TAFA1: variants seen among roughly 807,000 people sequenced by gnomAD.
TAFA1 encodes TAFA chemokine like family member 1.
Under a neutral mutation model 18.5 loss-of-function variants are expected in TAFA1, and 4 were observed. The ratio of observed to expected loss-of-function variants is 0.22; its 90% CI spans 0.11 to 0.49. The LOEUF is 0.49. Among genes scored for constraint, TAFA1 ranks in the 20% least tolerant of loss-of-function variants. The pLI is 0.98. For missense variants in TAFA1, 147 were observed against 169.0 expected (o/e 0.87, Z 0.72); for synonymous variants, 56 against 55.2 (o/e 1.01, Z -0.06).
intron 3 of TAFA1, among the ~76,000 whole-genome samples, chr3:68,447,780 G>A (rs1169524816): frequency 6.6e-6 from 1 of 152,196 alleles, no homozygotes; most frequent in Non-Finnish European, 1.5e-5. Context: ...AAGCCTGTGT[G>A]AGGAAGTATT....
intron 2 of TAFA1, among the ~76,000 whole-genome samples, chr3:68,022,821 AT>A (rs1263576631): frequency 1.3e-5 from 1 of 78,536 alleles, no homozygotes; most frequent in Non-Finnish European, 2.3e-5. Context: ...ATATATATAT[AT>A]TATATATAAT....
intron 3 of TAFA1, among the ~76,000 whole-genome samples, chr3:68,495,966 T>C (rs1330967353): frequency 2.0e-5 from 2 of 98,140 alleles, no homozygotes; most frequent in Non-Finnish European, 4.0e-5. Context: ...CCTCTTGAAA[T>C]AACAACGATA....
At chr3:68,151,049 A>T (rs1003659473) in intron 2 of TAFA1, among the ~76,000 whole-genome samples, 1 of 151,748 alleles carries the variant, frequency 6.6e-6, no homozygotes, top group Non-Finnish European at 1.5e-5. Context: ...TAAACTCAGG[A>T]TGGCCATCCT....
intron 2 of TAFA1, among the ~76,000 whole-genome samples, chr3:68,181,336 A>G (rs1164722936): frequency 6.6e-6 from 1 of 151,400 alleles, no homozygotes; most frequent in Non-Finnish European, 1.5e-5. Context: ...GGTAAATAAT[A>G]TACCTTACTC....
intron 2 of TAFA1, among the ~76,000 whole-genome samples, chr3:68,154,197 A>G (rs2065838831): frequency 6.6e-6 from 1 of 152,122 alleles, no homozygotes; most frequent in Non-Finnish European, 1.5e-5. Context: ...ACCCTCCTTC[A>G]TCCTCTGCAT....
intron 3 of TAFA1, among the ~76,000 whole-genome samples, chr3:68,475,516 T>A (rs2072075464): frequency 6.6e-6 from 1 of 152,206 alleles, no homozygotes; most frequent in African/African-American, 2.4e-5. Context: ...TGCGTAGTAT[T>A]CCATGGTGTA....
At chr3:68,450,873 A>G (rs1300618694) in intron 3 of TAFA1, among the ~76,000 whole-genome samples, 1 of 152,206 alleles carries the variant, frequency 6.6e-6, no homozygotes, top group Non-Finnish European at 1.5e-5. Context: ...CTCTACTGCA[A>G]CTAAACTCCC....
At chr3:68,446,157 T>C (rs1256627828) in intron 3 of TAFA1, among the ~76,000 whole-genome samples, 2 of 152,108 alleles carry the variant, frequency 1.3e-5, no homozygotes, top group Admixed American at 1.3e-4. Flanking sequence ...TCCTCCCACC[T>C]CAGCCTTCCA....
intron 2 of TAFA1, among the ~76,000 whole-genome samples, chr3:68,093,926 C>G (rs2065057051): frequency 6.6e-6 from 1 of 152,014 alleles, no homozygotes; most frequent in African/African-American, 2.4e-5. Context: ...CCAGGCCTGT[C>G]TCTTGATATG....
chr3:68,187,487 A>G (rs2066285273), intron 2 of TAFA1, among the ~76,000 whole-genome samples: 1 of 152,020 alleles, frequency 6.6e-6, no homozygotes, highest in Non-Finnish European at 1.5e-5. Context: ...CACTTGTTCA[A>G]CAGCAGGTTT....
intron 2 of TAFA1, among the ~76,000 whole-genome samples, chr3:68,062,468 A>C (rs2064616921): frequency 6.6e-6 from 1 of 152,190 alleles, no homozygotes; most frequent in Admixed American, 6.5e-5. Context: ...CTGGAGAATA[A>C]TTTATTCTTG....
chr3:68,408,862 T>C (rs948814174), intron 2 of TAFA1, among the ~76,000 whole-genome samples: 2 of 152,088 alleles, frequency 1.3e-5, no homozygotes, highest in African/African-American at 4.8e-5. Flanking sequence ...CAAAAGTGAG[T>C]CTTTGAGGAA....
At chr3:68,530,321 C>G (rs1277530692) in intron 3 of TAFA1, among the ~76,000 whole-genome samples, 1 of 152,154 alleles carries the variant, frequency 6.6e-6, no homozygotes, top group Non-Finnish European at 1.5e-5. Context: ...GATTTCTGCT[C>G]TATTTAGGAT....
chr3:68,470,140 G>T (rs563367610), intron 3 of TAFA1, among the ~76,000 whole-genome samples: 10 of 152,250 alleles, frequency 6.6e-5, no homozygotes, highest in African/African-American at 2.4e-4. Context: ...TTTCATAAAG[G>T]GAAGTTTTCC....
chr3:68,528,803 A>G (rs2073144755), intron 3 of TAFA1, among the ~76,000 whole-genome samples: 1 of 152,216 alleles, frequency 6.6e-6, no homozygotes, highest in African/African-American at 2.4e-5. Context: ...AGAGTTTGGC[A>G]TATCGAAGAA....
intron 2 of TAFA1, among the ~76,000 whole-genome samples, chr3:68,350,444 G>C (rs1307836984): frequency 1.3e-5 from 2 of 152,120 alleles, no homozygotes; most frequent in Non-Finnish European, 2.9e-5. Context: ...GTAGAATCAT[G>C]AGGGATGGGA....
intron 2 of TAFA1, among the ~76,000 whole-genome samples, chr3:68,353,904 C>A (rs1276189948): frequency 6.6e-6 from 1 of 151,930 alleles, no homozygotes; most frequent in Non-Finnish European, 1.5e-5. Context: ...AGTTTTTAGA[C>A]AAAATGCTGC....
intron 2 of TAFA1, among the ~76,000 whole-genome samples, chr3:68,267,922 A>G (rs1458168313): frequency 6.6e-6 from 1 of 152,196 alleles, no homozygotes; most frequent in African/African-American, 2.4e-5. Context: ...AGGCTGCTAG[A>G]TGCTACTATA....
intron 2 of TAFA1, among the ~76,000 whole-genome samples, chr3:68,236,332 A>G (rs2066926659): frequency 1.3e-5 from 2 of 152,220 alleles, no homozygotes; most frequent in South Asian, 4.1e-4. Flanking sequence ...AATGATTCAT[A>G]CTTTAAAAAA....
Sources: allele counts gnomAD v4.1 joint callset (sites outside exome capture counted in the v4.1 genomes callset), GRCh38; gene constraint gnomAD v4.1.1; transcripts MANE v1.5; gene names NCBI Gene and HGNC (gene_info 2026-07-23, HGNC 2026-07-21).